The following MAPK10 variants were observed in gnomAD, a reference collection of about 807,000 sequenced individuals.
MAPK10 encodes mitogen-activated protein kinase 10.
A neutral mutation model predicts 59.3 loss-of-function variants in MAPK10; 25 were observed. The observed-to-expected ratio is 0.42, with a 90% CI of 0.31 to 0.59. The LOEUF (loss-of-function observed/expected upper bound fraction) is 0.59. Ranked by LOEUF, MAPK10 falls within the 20% of genes least tolerant of loss-of-function variation. MAPK10 has a pLI of 0.15. For missense variants in MAPK10, 351 were observed against 568.9 expected (o/e 0.62, Z 3.90); for synonymous variants, 190 against 200.5 (o/e 0.95, Z 0.44).
intron 3 of MAPK10, among the ~76,000 whole-genome samples, chr4:86,189,356 T>C (rs2079093620): frequency 1.3e-5 from 2 of 152,226 alleles, no homozygotes; most frequent in African/African-American, 4.8e-5. Flanking sequence ...TTTCACAATA[T>C]TGATTCTTCC....
chr4:86,101,257 C>G (rs1350741365), intron 7 of MAPK10, 40 bp from the exon 8 acceptor site: 1 of 1,520,714 alleles, frequency 6.6e-7, no homozygotes, highest in South Asian at 1.1e-5. Context: ...AAGCCAGTAT[C>G]AAGTGAAATG....
chr4:86,534,537 T>C (rs1248423920), intron 1 of MAPK10, among the ~76,000 whole-genome samples: 3 of 152,108 alleles, frequency 2.0e-5, no homozygotes, highest in Admixed American at 6.5e-5. Context: ...TGAGATATTA[T>C]CATTAAGAAA....
At chr4:86,221,020 AG>A (rs2089407585) in intron 2 of MAPK10, among the ~76,000 whole-genome samples, 2 of 152,132 alleles carry the variant, frequency 1.3e-5, no homozygotes, top group African/African-American at 4.8e-5. Context: ...CCTTTTCCCT[AG>A]CTTAAATTGT....
intron 9 of MAPK10, among the ~76,000 whole-genome samples, chr4:86,068,858 C>G (rs1488802579): frequency 6.6e-6 from 1 of 152,080 alleles, no homozygotes; most frequent in Non-Finnish European, 1.5e-5. Flanking sequence ...TGATAAACAC[C>G]ATCTACTCTG....
intron 1 of MAPK10, among the ~76,000 whole-genome samples, chr4:86,416,513 G>A (rs1745880563): frequency 6.6e-6 from 1 of 152,184 alleles, no homozygotes; most frequent in South Asian, 2.1e-4. Flanking sequence ...GAAAAGGATG[G>A]AAGGATACTT....
At chr4:86,165,348 A>G (rs1254664304) in intron 3 of MAPK10, among the ~76,000 whole-genome samples, 1 of 152,038 alleles carries the variant, frequency 6.6e-6, no homozygotes, top group Non-Finnish European at 1.5e-5. Context: ...TATTTTAAAT[A>G]TGTATCAAAT....
chr4:86,579,731 T>A (rs531756117), intron 1 of MAPK10, among the ~76,000 whole-genome samples: 1 of 152,288 alleles, frequency 6.6e-6, no homozygotes, highest in South Asian at 2.1e-4. Flanking sequence ...CCATAATAAT[T>A]ACTGGACAAT....
chr4:86,407,447 T>C (rs1156945835), intron 1 of MAPK10, among the ~76,000 whole-genome samples: 2 of 152,176 alleles, frequency 1.3e-5, no homozygotes, highest in African/African-American at 2.4e-5. Flanking sequence ...ACAGATTTTG[T>C]CTACCAATGT....
In MAPK10 at chr4:86,540,232, A is replaced by T. The variant is rs113586734; in HGVS notation, c.-263+53678T>A. ...AGAACTGGGCCATGCACAGTGTGTT[A>T]GCTCACACCTATAATCCTAGCACTT... On this transcript the variant is annotated intron_variant, in intron 1 of 4. Coordinates refer to the MAPK10 transcript ENST00000502302. 8.3e-4 allele frequency among the ~76,000 whole-genome samples: 127 copies of T among 152,350 alleles called. 1 individual carries two copies. Among genetic ancestry groups the T allele is most frequent in the African/African-American group, 2.9e-3 (119 of 41,588 alleles).
At chr4:86,460,706 CT>C (rs1751656897) in intron 1 of MAPK10, among the ~76,000 whole-genome samples, 1 of 152,232 alleles carries the variant, frequency 6.6e-6, no homozygotes, top group African/African-American at 2.4e-5. Flanking sequence ...TTAAGGCATT[CT>C]TAAACCACAA....
At chr4:86,327,138 CTT>C (rs11404211) in intron 2 of MAPK10, 14 of 139,816 alleles carry the variant, frequency 1.0e-4, no homozygotes, top group Admixed American at 2.1e-4. Context: ...ACCCAGCTAA[CTT>C]TTTTTTTTTT....
At chr4:86,112,955 C>T (rs948766366) in intron 4 of MAPK10, among the ~76,000 whole-genome samples, 1 of 151,790 alleles carries the variant, frequency 6.6e-6, no homozygotes, top group African/African-American at 2.4e-5. Flanking sequence ...TGAACCCTTA[C>T]AATTATGTAA....
intron 4 of MAPK10, among the ~76,000 whole-genome samples, chr4:86,149,339 T>A (rs2065820405): frequency 6.6e-6 from 1 of 152,166 alleles, no homozygotes; most frequent in South Asian, 2.1e-4. Flanking sequence ...CAATCTCGGC[T>A]CACTGCAGCC....
At chr4:86,564,672 G>C (rs1689616264) in intron 1 of MAPK10, among the ~76,000 whole-genome samples, 1 of 152,054 alleles carries the variant, frequency 6.6e-6, no homozygotes, top group African/African-American at 2.4e-5. Context: ...GCGCCATGAG[G>C]AGATACCCCT....
chr4:86,275,382 A>G (rs184762124), intron 2 of MAPK10, among the ~76,000 whole-genome samples: 221 of 152,168 alleles, frequency 1.5e-3, no homozygotes, highest in African/African-American at 5.2e-3. Context: ...AAATTGTGAT[A>G]AGGAAATGAT....
At chr4:86,548,035 C>G (rs979468723) in intron 1 of MAPK10, among the ~76,000 whole-genome samples, 3 of 152,200 alleles carry the variant, frequency 2.0e-5, no homozygotes, top group African/African-American at 7.2e-5. Flanking sequence ...TGGCAACCCG[C>G]TCAGGTCCCC....
intron 11 of MAPK10, among the ~76,000 whole-genome samples, chr4:86,062,854 A>G (rs888925141): frequency 1.6e-4 from 24 of 152,092 alleles, no homozygotes; most frequent in Non-Finnish European, 2.9e-5. Context: ...AGTGTGGGAG[A>G]CTGGAAGAGG....
chr4:86,493,245 T>C (rs917537598), intron 1 of MAPK10, among the ~76,000 whole-genome samples: 1 of 152,202 alleles, frequency 6.6e-6, no homozygotes. Context: ...GAGGACTGCC[T>C]GATTTGCGAA....
intron 2 of MAPK10, among the ~76,000 whole-genome samples, chr4:86,266,861 TATA>T (rs1448431551): frequency 4.6e-5 from 7 of 152,106 alleles, no homozygotes; most frequent in Non-Finnish European, 7.4e-5. Context: ...AGTAGTGTTA[TATA>T]ATATTATATA....
Sources: allele counts gnomAD v4.1 joint callset (sites outside exome capture counted in the v4.1 genomes callset), GRCh38; gene constraint gnomAD v4.1.1; transcripts MANE v1.5; gene names NCBI Gene and HGNC (gene_info 2026-07-23, HGNC 2026-07-21).